NCKAP5: variants seen among roughly 807,000 people sequenced by gnomAD.
NCKAP5 encodes nck-associated protein 5.
NCKAP5 carries 92 observed loss-of-function variants against 167.0 expected under a neutral mutation model. That is an observed-to-expected ratio of 0.55 (90% confidence interval 0.47 to 0.66). The LOEUF is 0.66. NCKAP5 is among the 30% of genes least tolerant of loss of function. The pLI, the probability that NCKAP5 is intolerant of heterozygous loss-of-function variation, is 0.00. For missense variants in NCKAP5, 2,378 were observed against 2,315.0 expected, an observed-to-expected ratio of 1.03 and a Z score of -0.56; for synonymous variants, 891 against 877.4, an observed-to-expected ratio of 1.02 and a Z score of -0.27.
chr2:133,334,345 C>A (rs559286736), intron 3 of NCKAP5, among the ~76,000 whole-genome samples: 141 of 152,192 alleles, frequency 9.3e-4, no homozygotes, highest in African/African-American at 3.3e-3. Context: ...GAAGTGCTCA[C>A]GGTGGTGGTA....
At chr2:132,895,346 C>CAAAAA (rs563409400) in intron 8 of NCKAP5, among the ~76,000 whole-genome samples, 2 of 71,920 alleles carry the variant, frequency 2.8e-5, no homozygotes, top group East Asian at 3.8e-4. Flanking sequence ...GACTCTGTCT[C>CAAAAA]AAAAAAAAAA....
chr2:132,956,616 G>C (rs1185247673), intron 8 of NCKAP5, among the ~76,000 whole-genome samples: 1 of 152,114 alleles, frequency 6.6e-6, no homozygotes, highest in African/African-American at 2.4e-5. Flanking sequence ...CTTTTGAAGA[G>C]TTTCTCTTGT....
At chr2:133,514,687 G>A (rs1575088441) in intron 3 of NCKAP5, among the ~76,000 whole-genome samples, 1 of 152,090 alleles carries the variant, frequency 6.6e-6, no homozygotes, top group East Asian at 1.9e-4. Context: ...TATTGCAATG[G>A]AATTTTAAGA....
In NCKAP5 at chr2:133,417,332, T is replaced by C. The variant is rs139515140; in HGVS notation, c.69+100126A>G. Among the ~76,000 whole-genome samples the C allele has an allele frequency of 6.0e-3, 916 of 152,258 alleles. 4 individuals carry two copies. Among genetic ancestry groups the C allele is most frequent in the Non-Finnish European group, 0.01 (690 of 68,022 alleles). On this transcript the variant is annotated intron_variant, in intron 3 of 19. Transcript: ENST00000409261. ...AAGCGCAATTTCCCATTAACCCCGA[T>C]TGCCTCCTTCACACCCCTGGAAGAC...
intron 6 of NCKAP5, among the ~76,000 whole-genome samples, chr2:133,052,417 A>G (rs2079636228): frequency 6.6e-6 from 1 of 152,168 alleles, no homozygotes; most frequent in Non-Finnish European, 1.5e-5. Context: ...GGCAAAGAGT[A>G]TGAAAACTGG....
chr2:132,870,582 A>G (rs1690732315), intron 9 of NCKAP5, among the ~76,000 whole-genome samples: 1 of 152,184 alleles, frequency 6.6e-6, no homozygotes, highest in East Asian at 1.9e-4. Context: ...AAACACAATT[A>G]TAACACAGTG....
intron 5 of NCKAP5, among the ~76,000 whole-genome samples, chr2:133,187,296 G>T (rs577973124): frequency 6.6e-6 from 1 of 151,964 alleles, no homozygotes; most frequent in African/African-American, 2.4e-5. Context: ...GAACACTGTT[G>T]TACTGTGTTC....
chr2:133,436,686 C>T (rs772226383), intron 3 of NCKAP5, among the ~76,000 whole-genome samples: 3 of 152,180 alleles, frequency 2.0e-5, no homozygotes, highest in Non-Finnish European at 2.9e-5. Context: ...CTGAGAGACT[C>T]GGCTTCGGCG....
At position 132,998,334 on chromosome 2, in the gene NCKAP5, G is replaced by GT. The variant is rs574200720; in HGVS notation, c.342-4096dup. On this transcript the variant is annotated intron_variant, in intron 6 of 19. Coordinates refer to ENST00000409261, the MANE Select transcript of NCKAP5 (RefSeq NM_207363.3). Reference sequence around the variant, plus strand: ...CTTTATACTTAAAAAATAGGAAAAAGTGGGGGTGGACAGGAAATTGTTAAA... The same window carrying GT: ...CTTTATACTTAAAAAATAGGAAAAAGTTGGGGGTGGACAGGAAATTGTTAAA... Among the ~76,000 whole-genome samples, 24 of 152,224 alleles carry GT rather than the reference G, an allele frequency of 1.6e-4. No homozygotes were observed. In the South Asian group the frequency reaches 3.1e-3, roughly 20 times the overall value.
the NCKAP5 span, among the ~76,000 whole-genome samples, chr2:133,615,659 G>C: frequency 3.9e-5 from 6 of 152,218 alleles, no homozygotes; most frequent in East Asian, 1.2e-3. Flanking sequence ...AGCAATTCCT[G>C]AGTGACCTAC....
chr2:133,031,051 A>G (rs1389679359), intron 6 of NCKAP5, among the ~76,000 whole-genome samples: 1 of 152,204 alleles, frequency 6.6e-6, no homozygotes, highest in Non-Finnish European at 1.5e-5. Context: ...ATGGTGGAAT[A>G]CAAGGCTTTG....
At chr2:133,440,569 G>T (rs981153685) in intron 3 of NCKAP5, among the ~76,000 whole-genome samples, 2 of 151,786 alleles carry the variant, frequency 1.3e-5, no homozygotes, top group African/African-American at 4.8e-5. Flanking sequence ...AATTAGCCAG[G>T]CGTGATGGCG....
intron 3 of NCKAP5, among the ~76,000 whole-genome samples, chr2:133,304,753 T>C (rs550088019): frequency 2.0e-5 from 3 of 152,370 alleles, no homozygotes; most frequent in East Asian, 3.9e-4. Flanking sequence ...AGAGCTGTTC[T>C]AAGTGCTGCA....
intron 19 of NCKAP5, among the ~76,000 whole-genome samples, chr2:132,702,013 C>G (rs901315364): frequency 6.6e-6 from 1 of 152,162 alleles, no homozygotes; most frequent in East Asian, 1.9e-4. Context: ...ATGGCTATAT[C>G]TGTCAGGCTT....
chr2:132,976,563 C>CA (rs1169178217), intron 7 of NCKAP5, among the ~76,000 whole-genome samples: 5,474 of 50,786 alleles, frequency 0.11, 459 homozygotes, highest in African/African-American at 0.28. Flanking sequence ...GACTCCATCT[C>CA]AAAAAAAAAA....
intron 16 of NCKAP5, among the ~76,000 whole-genome samples, chr2:132,751,156 A>T (rs1680076909): frequency 6.6e-6 from 1 of 152,112 alleles, no homozygotes; most frequent in African/African-American, 2.4e-5. Context: ...TGGATCCCTC[A>T]TGAATAGCTT....
intron 6 of NCKAP5, among the ~76,000 whole-genome samples, chr2:133,108,475 A>G (rs1025082125): frequency 4.6e-5 from 7 of 152,250 alleles, no homozygotes; most frequent in African/African-American, 1.7e-4. Flanking sequence ...AGTTGAATGA[A>G]TAAATGAATG....
At chr2:133,655,269 A>G in the NCKAP5 span, among the ~76,000 whole-genome samples, 1 of 152,198 alleles carries the variant, frequency 6.6e-6, no homozygotes, top group Admixed American at 6.5e-5. Context: ...GCCAGGGTAG[A>G]CATTTTTCCT....
intron 4 of NCKAP5, among the ~76,000 whole-genome samples, chr2:133,298,119 GT>G (rs1271134430): frequency 6.6e-6 from 1 of 152,188 alleles, no homozygotes; most frequent in Non-Finnish European, 1.5e-5. Context: ...TACAGTTGTT[GT>G]TATGAAATTG....
Sources: gnomAD v4.1 joint callset for allele counts (sites outside exome capture counted in the v4.1 genomes callset) on GRCh38, gnomAD v4.1.1 for gene constraint, MANE v1.5 for transcripts, NCBI Gene and HGNC (gene_info 2026-07-23, HGNC 2026-07-21) for gene names.